ARHGAP10: variants seen among roughly 807,000 people sequenced by gnomAD.
ARHGAP10 encodes rho GTPase-activating protein 10.
Under a neutral mutation model 108.6 loss-of-function variants are expected in ARHGAP10, and 87 were observed. That is an observed-to-expected ratio of 0.80 (90% CI 0.67 to 0.96). The LOEUF (loss-of-function observed/expected upper bound fraction) is 0.96. ARHGAP10 is among the 40% of genes least tolerant of loss of function. The pLI, the probability that ARHGAP10 is intolerant of heterozygous loss-of-function variation, is 0.00. For missense variants in ARHGAP10, 939 were observed against 954.5 expected (o/e 0.98, Z 0.21); for synonymous variants, 347 against 341.1 (o/e 1.02, Z -0.19).
rs184396826 is a variant in ARHGAP10, at chr4:147,761,820, C to T, written c.154+29365C>T. On this transcript the variant is annotated intron_variant, in intron 1 of 22. Coordinates refer to ENST00000336498, the MANE Select transcript of ARHGAP10 (RefSeq NM_024605.4). Reference sequence around the variant, plus strand: ...GTGACTTTGAAGGTGATTTTAAAGACGGCATTACTAGGAAAAACGAAGGAG... The same window carrying T: ...GTGACTTTGAAGGTGATTTTAAAGATGGCATTACTAGGAAAAACGAAGGAG... Among the ~76,000 whole-genome samples, 443 of 152,162 alleles carry T rather than the reference C, an allele frequency of 2.9e-3. 1 individual carries two copies. Among genetic ancestry groups the T allele is most frequent in the Middle Eastern group, 0.014 (4 of 294 alleles).
intron 1 of ARHGAP10, among the ~76,000 whole-genome samples, chr4:147,785,618 A>C (rs1304864790): frequency 6.6e-6 from 1 of 152,132 alleles, no homozygotes; most frequent in African/African-American, 2.4e-5. Context: ...CCCTCCCCCT[A>C]CAACATTATC....
At chr4:147,933,371 G>A (rs1737782051) in intron 13 of ARHGAP10, among the ~76,000 whole-genome samples, 1 of 152,162 alleles carries the variant, frequency 6.6e-6, no homozygotes, top group Admixed American at 6.5e-5. Flanking sequence ...TGGGATTACA[G>A]GCACTCGCCA....
chr4:148,004,947 T>C (rs1035184442), intron 18 of ARHGAP10, among the ~76,000 whole-genome samples: 1 of 152,204 alleles, frequency 6.6e-6, no homozygotes, highest in Non-Finnish European at 1.5e-5. Context: ...ATTATGCTAA[T>C]TTGTTGCACA....
intron 1 of ARHGAP10, among the ~76,000 whole-genome samples, chr4:147,789,098 C>G (rs183469735): frequency 6.6e-6 from 1 of 152,318 alleles, no homozygotes; most frequent in East Asian, 1.9e-4. Context: ...GCGTCTCCCA[C>G]TGTCTTTGGG....
intron 10 of ARHGAP10, among the ~76,000 whole-genome samples, chr4:147,884,237 A>T (rs1735450238): frequency 2.0e-5 from 3 of 152,072 alleles, no homozygotes; most frequent in Admixed American, 2.0e-4. Flanking sequence ...TTTTTTTGTC[A>T]GCCATGATCC....
intron 20 of ARHGAP10, among the ~76,000 whole-genome samples, chr4:148,049,805 TTTG>T (rs1560892614): frequency 5.1e-5 from 7 of 137,774 alleles, no homozygotes; most frequent in Non-Finnish European, 1.1e-4. Flanking sequence ...GTTTTTTTTG[TTTG>T]TTTGTTTGTT....
At chr4:147,914,100 C>G (rs992763695) in intron 13 of ARHGAP10, among the ~76,000 whole-genome samples, 1 of 152,004 alleles carries the variant, frequency 6.6e-6, no homozygotes, top group African/African-American at 2.4e-5. Context: ...TGCAGTGAGC[C>G]GAGATCGTGT....
chr4:147,869,125 T>G (rs1341368691), intron 7 of ARHGAP10, among the ~76,000 whole-genome samples: 1 of 152,110 alleles, frequency 6.6e-6, no homozygotes, highest in Non-Finnish European at 1.5e-5. Flanking sequence ...GCCCCTTATT[T>G]AGAGATAATT....
intron 1 of ARHGAP10, among the ~76,000 whole-genome samples, chr4:147,759,310 C>T (rs1438256753): frequency 2.0e-5 from 3 of 152,182 alleles, no homozygotes; most frequent in African/African-American, 7.2e-5. Context: ...CTTTCCCAAA[C>T]CAGGAAACTG....
intron 19 of ARHGAP10, among the ~76,000 whole-genome samples, chr4:148,044,042 T>G (rs1197631360): frequency 6.6e-6 from 1 of 152,088 alleles, no homozygotes; most frequent in Non-Finnish European, 1.5e-5. Context: ...TAGGGTGAAG[T>G]GTCTTCTCCT....
Position 147,939,888 on chromosome 4 carries a change from G to A in ARHGAP10, c.1292G>A (p.Ser431Asn), listed in dbSNP as rs1052155059. The change falls in exon 14 of 23, where the codon AGT becomes AAT. Residue 431 changes from serine (S) to asparagine (N), a missense_variant. Coordinates refer to ENST00000336498, the MANE Select transcript of ARHGAP10 (RefSeq NM_024605.4). ...AGTTCAAAGGTCCAGAGACTTCTGA[G>A]TATGTTGATGGGTATGCCTCTTTTC... is the stretch of plus-strand genomic sequence containing the variant. ...GVSSKVQRLL[S>N]MLMDVKTCNE... The A allele has an allele frequency of 3.3e-5, 53 of 1,613,614 alleles. No homozygotes were observed. Among genetic ancestry groups the A allele is most frequent in the Non-Finnish European group, 4.3e-5 (51 of 1,179,684 alleles).
chr4:147,904,270 T>G (rs1194783444), intron 10 of ARHGAP10, among the ~76,000 whole-genome samples: 1 of 152,126 alleles, frequency 6.6e-6, no homozygotes, highest in Admixed American at 6.6e-5. Flanking sequence ...TTAGGGTACA[T>G]GTGCACAATG....
At chr4:147,760,061 A>G (rs533400349) in intron 1 of ARHGAP10, among the ~76,000 whole-genome samples, 1 of 152,286 alleles carries the variant, frequency 6.6e-6, no homozygotes, top group Non-Finnish European at 1.5e-5. Flanking sequence ...TTTACTGTGT[A>G]TTTTATACAT....
intron 1 of ARHGAP10, among the ~76,000 whole-genome samples, chr4:147,784,754 A>G (rs1357173051): frequency 9.2e-5 from 3 of 32,762 alleles, no homozygotes; most frequent in Non-Finnish European, 1.6e-4. Flanking sequence ...AATATATATT[A>G]TAAAATGTAT....
intron 1 of ARHGAP10, among the ~76,000 whole-genome samples, chr4:147,777,395 A>C (rs140624201): frequency 1.5e-3 from 225 of 151,930 alleles, no homozygotes; most frequent in African/African-American, 5.1e-3. Flanking sequence ...AGTAGCTGGG[A>C]CTACAGGCAC....
chr4:147,873,936 G>A lies in ARHGAP10; in HGVS notation c.703-1085G>A, dbSNP rs183755068. Among the ~76,000 whole-genome samples, 702 of 151,554 alleles carry A rather than the reference G, an allele frequency of 4.6e-3. 6 individuals carry two copies. Among genetic ancestry groups the A allele is most frequent in the African/African-American group, 0.016 (654 of 41,284 alleles). ...GAAATGGAAGGCGAGAGGGAACCTA[G>A]CCGTCAACAACTGAGTTCTACTTTC... On this transcript the variant is annotated intron_variant, in intron 7 of 22. Transcript: ENST00000336498.
intron 18 of ARHGAP10, among the ~76,000 whole-genome samples, chr4:148,021,914 C>T (rs1314308238): frequency 6.6e-6 from 1 of 152,170 alleles, no homozygotes; most frequent in East Asian, 1.9e-4. Context: ...TTCATTTACA[C>T]ATGAGGGGGC....
chr4:147,954,514 AT>A (rs200933961), intron 15 of ARHGAP10, among the ~76,000 whole-genome samples: 1,923 of 149,970 alleles, frequency 0.013, 29 homozygotes, highest in African/African-American at 0.033. Flanking sequence ...TGCATCTTTG[AT>A]TTTTTTTTTA....
chr4:147,873,828 T>C lies in ARHGAP10; in HGVS notation c.703-1193T>C, dbSNP rs548563414. Among the ~76,000 whole-genome samples the C allele has an allele frequency of 3.4e-4, 51 of 149,186 alleles. No homozygotes were observed. In the East Asian group the frequency reaches 9.7e-3, roughly 29 times the overall value. ...AGGTTGAGGCTGTGATGAGGTATTATCATGCCACTGTACTCCAGCCTGGGA... is the reference window on the plus strand; with the variant it reads ...AGGTTGAGGCTGTGATGAGGTATTACCATGCCACTGTACTCCAGCCTGGGA... On this transcript the variant is annotated intron_variant, in intron 7 of 22. Coordinates refer to ENST00000336498, the MANE Select transcript of ARHGAP10 (RefSeq NM_024605.4).
Sources: gnomAD v4.1 joint callset for allele counts (sites outside exome capture counted in the v4.1 genomes callset) on GRCh38, gnomAD v4.1.1 for gene constraint, MANE v1.5 for transcripts, NCBI Gene and HGNC (gene_info 2026-07-23, HGNC 2026-07-21) for gene names.